IPO5: variants seen among roughly 807,000 people sequenced by gnomAD.
IPO5 encodes the protein importin-5.
A neutral mutation model predicts 143.3 loss-of-function variants in IPO5; 18 were observed. That is an observed-to-expected ratio of 0.13 (90% CI 0.09 to 0.19). The LOEUF (loss-of-function observed/expected upper bound fraction) is 0.19. Ranked by LOEUF, IPO5 falls within the 10% of genes least tolerant of loss-of-function variation. IPO5 has a pLI of 1.00. For synonymous variants in IPO5, 477 were observed against 465.7 expected (o/e 1.02, Z -0.31); for missense variants, 1,013 against 1,336.9 (o/e 0.76, Z 3.78).
rs1319536644 is a variant in IPO5, at chr13:97,976,688, C to T, written c.-4-5C>T. On this transcript the variant is annotated splice_region_variant and splice_polypyrimidine_tract_variant and intron_variant, in intron 3 of 28. Coordinates refer to ENST00000651721, the MANE Select transcript of IPO5 (RefSeq NM_002271.6). ...CTCCCCTCCCTCCTTCTCTCTCACGCCTAGCGCAATGGCGGCGGCCGCGGC... is the reference window on the plus strand; with the variant it reads ...CTCCCCTCCCTCCTTCTCTCTCACGTCTAGCGCAATGGCGGCGGCCGCGGC... The T allele has an allele frequency of 1.5e-6, 2 of 1,360,500 alleles. No homozygotes were observed. The highest frequency in any genetic ancestry group is 2.0e-6 in the Non-Finnish European group (2 of 1,025,366). 84.3% of individuals were successfully genotyped at this position (1,360,500 alleles called of 1,614,324 possible).
chr13:97,998,972 G>A (rs1439931398), intron 12 of IPO5, among the ~76,000 whole-genome samples: 4 of 151,988 alleles, frequency 2.6e-5, no homozygotes, highest in East Asian at 1.9e-4. Flanking sequence ...TTGAAACCCC[G>A]TCTCTATTAA....
chr13:97,992,922 G>C lies in IPO5; in HGVS notation c.700G>C (p.Asp234His). The C allele has an allele frequency of 6.2e-7, 1 of 1,613,152 alleles. No homozygotes were observed. The highest frequency in any genetic ancestry group is 8.5e-7 in the Non-Finnish European group (1 of 1,179,304). The change falls in exon 10 of 29, where the codon GAT becomes CAT. Residue 234 changes from aspartate to histidine, a missense_variant. Physicochemically the swap from Asp to His is moderately conservative, Grantham distance 81. Around this residue, in one of 2 missense-constraint regions of IPO5, gnomAD observed 328 missense variants for 342.0 expected, o/e 0.96. Coordinates refer to ENST00000651721, the MANE Select transcript of IPO5 (RefSeq NM_002271.6). ...AVNDSCYQNDDSVLKSLVEIA... is the reference protein window; with the variant it reads ...AVNDSCYQNDHSVLKSLVEIA... ...AAATGACTCGTGCTACCAGAATGAT[G>C]ATTCTGTCCTAAAATCCCTCGTTGA... is the stretch of plus-strand genomic sequence containing the variant.
rs564834525 is a variant in IPO5, at chr13:98,022,967, T to C, written c.*1145T>C. On this transcript the variant is annotated 3_prime_UTR_variant, in exon 29 of 29. Transcript: ENST00000651721. ...TTTCTAAGGCATCTTAATAGACTTC[T>C]GTTGAAAACTTCAGTGTTAACATTT... 11 of 152,820 alleles carry C rather than the reference T, an allele frequency of 7.2e-5. No individual in the cohort carries two copies. In the East Asian group the frequency reaches 1.9e-3, roughly 27 times the overall value. 9.5% of individuals were successfully genotyped at this position (152,820 alleles called of 1,614,324 possible). A position where few individuals can be genotyped will look rare whatever the true frequency, so the allele number is the denominator to read the frequency against.
At chr13:97,984,010 G>T (rs1302452235) in intron 5 of IPO5, among the ~76,000 whole-genome samples, 5 of 102,384 alleles carry the variant, frequency 4.9e-5, no homozygotes, top group African/African-American at 1.5e-4. Context: ...ACGGAGTCTC[G>T]CTCTGTCGCC....
At chr13:97,980,756 A>G (rs1444370369) in intron 4 of IPO5, among the ~76,000 whole-genome samples, 1 of 151,080 alleles carries the variant, frequency 6.6e-6, no homozygotes, top group Non-Finnish European at 1.5e-5. Flanking sequence ...GAACCTGGGC[A>G]GCAGAGGTTG....
At chr13:97,969,176 T>TATATATATATG (rs1491240999) in intron 2 of IPO5, among the ~76,000 whole-genome samples, 1 of 31,652 alleles carries the variant, frequency 3.2e-5, no homozygotes, top group Non-Finnish European at 6.2e-5. Flanking sequence ...TATATATATA[T>TATATATATATG]TTTTTTTTTT....
intron 24 of IPO5, 136 bp from the exon 25 acceptor site, chr13:98,016,593 G>C (rs1276152000): frequency 6.2e-6 from 3 of 480,144 alleles, no homozygotes; most frequent in Admixed American, 4.4e-5. Flanking sequence ...CCGGTCTCTA[G>C]ACTCTTGATT....
chr13:98,014,337 G>C (rs1889946026), intron 22 of IPO5, 123 bp downstream of exon 22: 2 of 649,996 alleles, frequency 3.1e-6, no homozygotes, highest in Non-Finnish European at 5.1e-6. Context: ...GAGTGCAGTG[G>C]CGCAATCGCA....
chr13:97,999,123 A>G (rs529567250), intron 12 of IPO5, among the ~76,000 whole-genome samples: 1 of 152,276 alleles, frequency 6.6e-6, no homozygotes, highest in East Asian at 1.9e-4. Context: ...AGCCTGGGCA[A>G]CAGAGCAAGA....
chr13:97,974,079 CAATAAT>C (rs1778562824), intron 3 of IPO5, among the ~76,000 whole-genome samples: 1 of 152,004 alleles, frequency 6.6e-6, no homozygotes, highest in Non-Finnish European at 1.5e-5. Flanking sequence ...ATAATAATAA[CAATAAT>C]AATAATAGTA....
chr13:97,957,430 G>A (rs570283389), intron 2 of IPO5, among the ~76,000 whole-genome samples: 4 of 151,910 alleles, frequency 2.6e-5, no homozygotes, highest in African/African-American at 9.6e-5. Flanking sequence ...CTCGAACTCC[G>A]ACCTCAGGTG....
chr13:98,012,820 T>G (rs1332419322), intron 21 of IPO5, among the ~76,000 whole-genome samples: 1 of 149,558 alleles, frequency 6.7e-6, no homozygotes, highest in Non-Finnish European at 1.5e-5. Flanking sequence ...TTTTTTTTTT[T>G]TTTTTTTAAG....
intron 6 of IPO5, chr13:97,988,151 A>G (rs1887528657): frequency 6.2e-6 from 1 of 161,532 alleles, no homozygotes. Flanking sequence ...CCAGAGTCTT[A>G]TAAGTGGCAC....
intron 3 of IPO5, among the ~76,000 whole-genome samples, chr13:97,970,200 A>T (rs957781480): frequency 6.6e-6 from 1 of 152,244 alleles, no homozygotes; most frequent in Non-Finnish European, 1.5e-5. Context: ...ATTTAACAAT[A>T]GTTTATCAAT....
chr13:97,992,775 T>A, intron 9 of IPO5, 117 bp from the exon 10 acceptor site: 1 of 1,086,682 alleles, frequency 9.2e-7, no homozygotes, highest in South Asian at 1.6e-5. Context: ...TGCTAAATTA[T>A]TTAGTGAAAA....
chr13:97,996,196 C>T (rs1173049125), intron 11 of IPO5, among the ~76,000 whole-genome samples: 3 of 151,984 alleles, frequency 2.0e-5, no homozygotes, highest in Non-Finnish European at 2.9e-5. Flanking sequence ...ACTACAGGCA[C>T]GCACTACCAC....
chr13:97,975,877 C>G (rs1434992812), intron 3 of IPO5: 1 of 983,880 alleles, frequency 1.0e-6, no homozygotes, highest in East Asian at 1.1e-4. Context: ...TGAGTAACCC[C>G]TCTTCCGGGC....
At chr13:97,984,671 A>AT (rs890150348) in intron 5 of IPO5, among the ~76,000 whole-genome samples, 13 of 151,886 alleles carry the variant, frequency 8.6e-5, no homozygotes, top group Non-Finnish European at 1.6e-4. Context: ...ATAGCTTAAC[A>AT]TTTTTTTTGG....
intron 11 of IPO5, among the ~76,000 whole-genome samples, chr13:97,995,178 TG>T (rs1888149852): frequency 6.7e-6 from 1 of 149,030 alleles, no homozygotes; most frequent in Non-Finnish European, 1.5e-5. Context: ...TTTCTTTCTT[TG>T]TTTTTTTTTT....
Sources: allele counts gnomAD v4.1 joint callset (sites outside exome capture counted in the v4.1 genomes callset), GRCh38; gene constraint gnomAD v4.1.1; regional missense constraint gnomAD v4.1.1; transcripts MANE v1.5; gene names NCBI Gene and HGNC (gene_info 2026-07-23, HGNC 2026-07-21).